The following KRTAP5-11 variants were observed in gnomAD, a reference collection of about 807,000 sequenced individuals.
The protein encoded by KRTAP5-11 is keratin-associated protein 5-11.
For missense variants in KRTAP5-11, 202 were observed against 188.7 expected (o/e 1.07, Z -0.41); for synonymous variants, 88 against 73.0 (o/e 1.21, Z -1.05).
rs530975888 is a variant in KRTAP5-11, at chr11:71,582,697, G to A, written c.141C>T (p.Cys47=). ...TGGAGCAGGAACAGGCTGGCACACA[G>A]CAGCACACAGGCTTGCAGCAGCAAA... ...VPICCCKPVC[C]CVPACSCSSC... is the part of the protein sequence containing the mutation. Residue 47 remains cysteine (C), a synonymous_variant, in exon 1 of 1, where the codon TGC becomes TGT. Coordinates refer to ENST00000398530, the MANE Select transcript of KRTAP5-11 (RefSeq NM_001005405.3). The A allele has an allele frequency of 1.4e-5, 22 of 1,613,616 alleles. No individual in the cohort carries two copies. Among genetic ancestry groups the A allele is most frequent in the Non-Finnish European group, 1.8e-5 (21 of 1,179,894 alleles).
chr11:71,582,331 C>CAAAG lies in KRTAP5-11; in HGVS notation c.*32_*35dup, dbSNP rs748332505. On this transcript the variant is annotated 3_prime_UTR_variant, in exon 1 of 1. Transcript: ENST00000398530. ...GAGAAACCATAAGAAATGCTTTCAC[C>CAAAG]AAAGAGGAGAAACCTGAAGGTCTGG... The CAAAG allele has an allele frequency of 3.7e-6, 6 of 1,613,818 alleles. No homozygotes were observed. The highest frequency in any genetic ancestry group is 5.1e-6 in the Non-Finnish European group (6 of 1,179,794).
At position 71,582,175 on chromosome 11, in the gene KRTAP5-11, A is replaced by G; in HGVS notation, c.*192T>C. The G allele has an allele frequency of 8.2e-6, 10 of 1,215,996 alleles. No homozygotes were observed. Among genetic ancestry groups the G allele is most frequent in the Non-Finnish European group, 1.1e-5 (10 of 875,184 alleles). 75.3% of individuals were successfully genotyped at this position (1,215,996 alleles called of 1,614,324 possible). On this transcript the variant is annotated 3_prime_UTR_variant, in exon 1 of 1. Coordinates refer to ENST00000398530, the MANE Select transcript of KRTAP5-11 (RefSeq NM_001005405.3). ...AACACCTCCTGCATCAAGGAAACAC[A>G]TGTTTCCGGAGTGAGGAAGCTGAAG... is the stretch of plus-strand genomic sequence containing the variant.
Position 71,582,718 on chromosome 11 carries a change from G to A in KRTAP5-11, c.120C>T (p.Cys40=), listed in dbSNP as rs1950276773. Residue 40 remains cysteine, a synonymous_variant, in exon 1 of 1, where the codon TGC becomes TGT. Coordinates refer to ENST00000398530, the MANE Select transcript of KRTAP5-11 (RefSeq NM_001005405.3). The part of the protein sequence containing the change: ...GCGSSCCVPI[C]CCKPVCCCVP... ...CACAGCAGCACACAGGCTTGCAGCA[G>A]CAAATGGGCACACAGCAGCTGGAGC... 6.2e-7 allele frequency: 1 copy of A among 1,613,396 alleles called. No homozygotes were observed. Among genetic ancestry groups the A allele is most frequent in the South Asian group, 1.1e-5 (1 of 91,036 alleles).
In KRTAP5-11 at chr11:71,582,109, T is replaced by C; in HGVS notation, c.*258A>G. On this transcript the variant is annotated 3_prime_UTR_variant, in exon 1 of 1. Transcript: ENST00000398530. Reference sequence around the variant, plus strand: ...CAGCCCAGGGAGAAGAAGAAGATGGTCCACACCCAAGTGCAGGGAACACCA... The same window carrying C: ...CAGCCCAGGGAGAAGAAGAAGATGGCCCACACCCAAGTGCAGGGAACACCA... 1.4e-6 allele frequency: 1 copy of C among 710,872 alleles called. No homozygotes were observed. 44.0% of individuals were successfully genotyped at this position (710,872 alleles called of 1,614,324 possible). A position where few individuals can be genotyped will look rare whatever the true frequency, so the allele number is the denominator to read the frequency against.
Position 71,582,439 on chromosome 11 carries a change from C to A in KRTAP5-11, c.399G>T (p.Gln133His), listed in dbSNP as rs1565630841. 1.9e-6 allele frequency: 3 copies of A among 1,613,814 alleles called. No individual in the cohort carries two copies. Among genetic ancestry groups the A allele is most frequent in the African/African-American group, 1.3e-5 (1 of 74,912 alleles). ...AGCAGCAGGGCTTGAAGCAGCTAGA[C>A]TGGCAGCAGCTGGATTGGCAGCAGC... ...KPCCCQSSCCQSSCFKPCCCQ... is the reference protein window; with the variant it reads ...KPCCCQSSCCHSSCFKPCCCQ... The change falls in exon 1 of 1, where the codon CAG becomes CAT. Residue 133 changes from glutamine to histidine, a missense_variant. Gln to His is a conservative substitution (Grantham distance 24). Coordinates refer to ENST00000398530, the MANE Select transcript of KRTAP5-11 (RefSeq NM_001005405.3).
chr11:71,582,244 A>G lies in KRTAP5-11; in HGVS notation c.*123T>C. 2 of 1,569,862 alleles carry G rather than the reference A, an allele frequency of 1.3e-6. No homozygotes were observed. Among genetic ancestry groups the G allele is most frequent in the Non-Finnish European group, 1.7e-6 (2 of 1,156,120 alleles). On this transcript the variant is annotated 3_prime_UTR_variant, in exon 1 of 1. Coordinates refer to ENST00000398530, the MANE Select transcript of KRTAP5-11 (RefSeq NM_001005405.3). ...CCGAGCCATGGAAAGAGGTGCATGC[A>G]TGGATGATGAGCTAGAGCAGGTGCA...
chr11:71,582,488 C>G lies in KRTAP5-11; in HGVS notation c.350G>C (p.Cys117Ser), dbSNP rs369241119. The G allele has an allele frequency of 8.7e-6, 14 of 1,613,638 alleles. No homozygotes were observed. In the African/African-American group the frequency reaches 1.9e-4, roughly 22 times the overall value. ...SKPCCCQSSC[C>S]QSSCCKPCCC... Reference sequence around the variant, plus strand: ...GCAGGGCTTGCAGCAGCTGGACTGGCAGCAGCTGGATTGGCAGCAGCAGGG... The same window carrying G: ...GCAGGGCTTGCAGCAGCTGGACTGGGAGCAGCTGGATTGGCAGCAGCAGGG... Residue 117 changes from cysteine to serine, a missense_variant, in exon 1 of 1, where the codon TGC becomes TCC. Coordinates refer to ENST00000398530, the MANE Select transcript of KRTAP5-11 (RefSeq NM_001005405.3).
At position 71,582,641 on chromosome 11, in the gene KRTAP5-11, C is replaced by T. The variant is rs867113009; in HGVS notation, c.197G>A (p.Gly66Asp). 6.2e-7 allele frequency: 1 copy of T among 1,614,056 alleles called. No homozygotes were observed. The highest frequency in any genetic ancestry group is 8.5e-7 in the Non-Finnish European group (1 of 1,180,038). ...SCGSCGGSKGGCGSCGSSKGG... is the reference protein window; with the variant it reads ...SCGSCGGSKGDCGSCGSSKGG... ...CTTGGAGCTCCCACAAGAGCCACAG[C>T]CCCCTTTGGAGCCCCCACAGGAGCC... Residue 66 changes from glycine (G) to aspartate (D), a missense_variant, in exon 1 of 1, where the codon GGC becomes GAC. Gly to Asp is a moderately conservative substitution (Grantham distance 94). Transcript: ENST00000398530.
Position 71,582,227 on chromosome 11 carries a change from T to G in KRTAP5-11, c.*140A>C. ...CAGGGCCTAGAGGAGAGCCGAGCCA[T>G]GGAAAGAGGTGCATGCATGGATGAT... On this transcript the variant is annotated 3_prime_UTR_variant, in exon 1 of 1. Transcript: ENST00000398530. 2 of 1,535,390 alleles carry G rather than the reference T, an allele frequency of 1.3e-6. No homozygotes were observed. The highest frequency in any genetic ancestry group is 1.8e-6 in the Non-Finnish European group (2 of 1,134,492).
In KRTAP5-11 at chr11:71,582,358, T is replaced by A; in HGVS notation, c.*9A>T. 1 of 1,614,122 alleles carries A rather than the reference T, an allele frequency of 6.2e-7. No individual in the cohort carries two copies. Among genetic ancestry groups the A allele is most frequent in the Non-Finnish European group, 8.5e-7 (1 of 1,180,018 alleles). On this transcript the variant is annotated 3_prime_UTR_variant, in exon 1 of 1. Coordinates refer to ENST00000398530, the MANE Select transcript of KRTAP5-11 (RefSeq NM_001005405.3). ...AAGAGGAGAAACCTGAAGGTCTGGG[T>A]CCAGAGCCTCAGATCTTACACTGGC...
In KRTAP5-11 at chr11:71,582,652, G is replaced by A; in HGVS notation, c.186C>T (p.Gly62=). The A allele has an allele frequency of 6.2e-7, 1 of 1,613,932 alleles. No individual in the cohort carries two copies. Among genetic ancestry groups the A allele is most frequent in the African/African-American group, 1.3e-5 (1 of 74,974 alleles). The change falls in exon 1 of 1, where the codon GGC becomes GGT. Residue 62 remains glycine (G), a synonymous_variant. Transcript: ENST00000398530. ...CACAAGAGCCACAGCCCCCTTTGGA[G>A]CCCCCACAGGAGCCACAGCTGGAGC... is the stretch of plus-strand genomic sequence containing the variant. ...CSCSSCGSCG[G]SKGGCGSCGS...
chr11:71,582,848 G>A lies in KRTAP5-11; in HGVS notation c.-11C>T. ...GCCACAGCAGCCCATGATTCTGGCGGATTGAGAGTAGAGCAGGTAGAGGAG... is the reference window on the plus strand; with the variant it reads ...GCCACAGCAGCCCATGATTCTGGCGAATTGAGAGTAGAGCAGGTAGAGGAG... On this transcript the variant is annotated 5_prime_UTR_variant, in exon 1 of 1. Transcript: ENST00000398530. The A allele has an allele frequency of 6.2e-7, 1 of 1,613,974 alleles. No homozygotes were observed. Among genetic ancestry groups the A allele is most frequent in the Non-Finnish European group, 8.5e-7 (1 of 1,180,002 alleles).
rs754878384 is a variant in KRTAP5-11 at position 71,582,538 on chromosome 11, G to C, written c.300C>G (p.Phe100Leu). Residue 100 changes from phenylalanine (F) to leucine (L), a missense_variant, in exon 1 of 1, where the codon TTC becomes TTG. Phe to Leu is a conservative substitution (Grantham distance 22). Coordinates refer to ENST00000398530, the MANE Select transcript of KRTAP5-11 (RefSeq NM_001005405.3). The stretch of plus-strand genomic sequence containing the variant: ...GTTTGGAGCAGCTGGACTGGCAGCA[G>C]AATGACCCACAGCCTGAGGAGGAGC... ...PCCSSSGCGS[F>L]CCQSSCSKPC... 15 of 1,613,704 alleles carry C rather than the reference G, an allele frequency of 9.3e-6. No individual in the cohort carries two copies. The highest frequency in any genetic ancestry group is 1.2e-5 in the Non-Finnish European group (14 of 1,179,946).
Position 71,582,268 on chromosome 11 carries a change from C to A in KRTAP5-11, c.*99G>T. The A allele has an allele frequency of 6.3e-7, 1 of 1,588,810 alleles. No homozygotes were observed. The highest frequency in any genetic ancestry group is 8.6e-7 in the Non-Finnish European group (1 of 1,166,416). ...CATGGATGATGAGCTAGAGCAGGTG[C>A]AGGTGCCTCAGGATGATGTGTGGGA... On this transcript the variant is annotated 3_prime_UTR_variant, in exon 1 of 1. Transcript: ENST00000398530.
In KRTAP5-11 at chr11:71,582,352, T is replaced by C. The variant is rs748410552; in HGVS notation, c.*15A>G. 6.2e-7 allele frequency: 1 copy of C among 1,614,110 alleles called. No individual in the cohort carries two copies. The highest frequency in any genetic ancestry group is 1.7e-5 in the Admixed American group (1 of 60,026). On this transcript the variant is annotated 3_prime_UTR_variant, in exon 1 of 1. Coordinates refer to ENST00000398530, the MANE Select transcript of KRTAP5-11 (RefSeq NM_001005405.3). ...TCACCAAAGAGGAGAAACCTGAAGG[T>C]CTGGGTCCAGAGCCTCAGATCTTAC... is the stretch of plus-strand genomic sequence containing the variant.
At position 71,582,061 on chromosome 11, in the gene KRTAP5-11, G is replaced by A; in HGVS notation, c.*306C>T. 1 of 515,310 alleles carries A rather than the reference G, an allele frequency of 1.9e-6. No homozygotes were observed. 31.9% of individuals were successfully genotyped at this position (515,310 alleles called of 1,614,324 possible). Reference sequence around the variant, plus strand: ...CTCAGGAATGTCGGCCTGGCCTTGTGGGGTCAGACCTAGCATCTCAGTCAG... The same window carrying A: ...CTCAGGAATGTCGGCCTGGCCTTGTAGGGTCAGACCTAGCATCTCAGTCAG... On this transcript the variant is annotated 3_prime_UTR_variant, in exon 1 of 1. Transcript: ENST00000398530.
chr11:71,582,550 G>T lies in KRTAP5-11; in HGVS notation c.288C>A (p.Gly96=). ...TGGACTGGCAGCAGAATGACCCACA[G>T]CCTGAGGAGGAGCAGCAGGGCTTAC... ...NCCKPCCSSS[G]CGSFCCQSSC... is the part of the protein sequence containing the mutation. Residue 96 remains glycine (G), a synonymous_variant, in exon 1 of 1, where the codon GGC becomes GGA. Transcript: ENST00000398530. The T allele has an allele frequency of 1.2e-6, 2 of 1,613,838 alleles. No homozygotes were observed. The highest frequency in any genetic ancestry group is 1.7e-6 in the Non-Finnish European group (2 of 1,179,934).
chr11:71,582,750 C>A lies in KRTAP5-11; in HGVS notation c.88G>T (p.Gly30Cys). Residue 30 changes from glycine (G) to cysteine (C), a missense_variant, in exon 1 of 1, where the codon GGC (glycine) becomes TGC (cysteine). Coordinates refer to ENST00000398530, the MANE Select transcript of KRTAP5-11 (RefSeq NM_001005405.3). ...GSGGCGSGCG[G>C]CGSSCCVPIC... is the part of the protein sequence containing the mutation. ...GGCACACAGCAGCTGGAGCCACAGC[C>A]CCCACAGCCAGAGCCACAGCCCCCA... The A allele has an allele frequency of 2.0e-6, 3 of 1,529,752 alleles. No homozygotes were observed. The highest frequency in any genetic ancestry group is 1.8e-6 in the Non-Finnish European group (2 of 1,136,436). 94.8% of individuals were successfully genotyped at this position (1,529,752 alleles called of 1,614,324 possible).
Position 71,581,953 on chromosome 11 carries a change from CA to C in KRTAP5-11, c.*413del. On this transcript the variant is annotated 3_prime_UTR_variant, in exon 1 of 1. Coordinates refer to ENST00000398530, the MANE Select transcript of KRTAP5-11 (RefSeq NM_001005405.3). ...GGAAGGAAGGAGACCTTCTTGCTCA[CA>C]GGTGGGTCACAGGAGAACAGGCAGC... is the stretch of plus-strand genomic sequence containing the variant. 8.4e-6 allele frequency: 2 copies of C among 239,514 alleles called. No homozygotes were observed. Among genetic ancestry groups the C allele is most frequent in the East Asian group, 1.9e-4 (2 of 10,508 alleles). The allele number at this position is 239,514 out of a possible 1,614,324, so 14.8% of individuals were successfully genotyped here.
Sources: allele counts gnomAD v4.1 joint callset, GRCh38; gene constraint gnomAD v4.1.1; transcripts MANE v1.5; gene names NCBI Gene and HGNC (gene_info 2026-07-23, HGNC 2026-07-21).